NRG3: variants seen among roughly 807,000 people sequenced by gnomAD.
The protein encoded by NRG3 is pro-neuregulin-3, membrane-bound isoform.
NRG3 carries 31 observed loss-of-function variants against 66.9 expected under a neutral mutation model. The ratio of observed to expected loss-of-function variants is 0.46; its 90% CI spans 0.35 to 0.63. NRG3 has a LOEUF of 0.63. Ranked by LOEUF, NRG3 falls within the 20% of genes least tolerant of loss-of-function variation. The probability of loss-of-function intolerance (pLI) is 0.00; values close to 1 mark genes in which losing one functional copy is unlikely to be tolerated. For synonymous variants in NRG3, 393 were observed against 359.4 expected, an observed-to-expected ratio of 1.09 and a Z score of -1.06; for missense variants, 910 against 878.9, an observed-to-expected ratio of 1.04 and a Z score of -0.45.
chr10:82,170,654 GTATATATATATATATATATATA>G (rs370773918), intron 1 of NRG3, among the ~76,000 whole-genome samples: 4,310 of 74,236 alleles, frequency 0.058, 218 homozygotes, highest in African/African-American at 0.11. Context: ...AAAACTTGTG[GTATATATATATATATATATATA>G]TATATATATA....
intron 3 of NRG3, among the ~76,000 whole-genome samples, chr10:82,838,076 A>G (rs2062869078): frequency 6.6e-6 from 1 of 152,176 alleles, no homozygotes; most frequent in African/African-American, 2.4e-5. Context: ...ATTTGCTGCC[A>G]ATTTATTTAG....
At chr10:82,292,750 C>G (rs1180692442) in intron 1 of NRG3, among the ~76,000 whole-genome samples, 1 of 152,152 alleles carries the variant, frequency 6.6e-6, no homozygotes, top group Non-Finnish European at 1.5e-5. Flanking sequence ...TAAAAGGTCA[C>G]ATACTTCATG....
chr10:82,772,302 TTTCATTCATTCATTCATTCATTCA>T (rs35732700), intron 3 of NRG3, among the ~76,000 whole-genome samples: 2 of 150,512 alleles, frequency 1.3e-5, no homozygotes, highest in African/African-American at 2.5e-5. Flanking sequence ...TATAGTTACT[TTTCATTCATTCATTCATTCATTCA>T]TTCATTCATT....
At chr10:81,938,618 A>AGTGTGTGTGTGTGT (rs373196547) in intron 1 of NRG3, among the ~76,000 whole-genome samples, 6 of 144,192 alleles carry the variant, frequency 4.2e-5, no homozygotes, top group South Asian at 4.5e-4. Flanking sequence ...GAGTTCTGAC[A>AGTGTGTGTGTGTGT]GTGTGTGTGT....
chr10:82,710,701 T>TTTTTA (rs545721231), intron 2 of NRG3, among the ~76,000 whole-genome samples: 6 of 151,794 alleles, frequency 4.0e-5, no homozygotes, highest in Non-Finnish European at 5.9e-5. Flanking sequence ...TCATTTTTTA[T>TTTTTA]TTTTATTTTA....
At chr10:82,217,993 T>C (rs1461293102) in intron 1 of NRG3, among the ~76,000 whole-genome samples, 1 of 152,216 alleles carries the variant, frequency 6.6e-6, no homozygotes, top group Non-Finnish European at 1.5e-5. Context: ...CTTTTTAGTC[T>C]GGATATTTCC....
intron 1 of NRG3, among the ~76,000 whole-genome samples, chr10:82,142,061 G>A (rs780484894): frequency 1.3e-5 from 2 of 152,106 alleles, no homozygotes; most frequent in Non-Finnish European, 2.9e-5. Context: ...TGAATCAATT[G>A]TTACAGATTG....
At chr10:82,202,679 A>T (rs532928748) in intron 1 of NRG3, among the ~76,000 whole-genome samples, 1 of 152,284 alleles carries the variant, frequency 6.6e-6, no homozygotes, top group Admixed American at 6.5e-5. Context: ...AGTTGAATCA[A>T]AATCAACGGC....
At chr10:82,387,145 A>G (rs2086054667) in intron 2 of NRG3, among the ~76,000 whole-genome samples, 1 of 152,180 alleles carries the variant, frequency 6.6e-6, no homozygotes, top group Non-Finnish European at 1.5e-5. Context: ...ATTTTTGCCA[A>G]TTATGTTACA....
chr10:82,413,247 A>G (rs975136984), intron 2 of NRG3, among the ~76,000 whole-genome samples: 1 of 152,156 alleles, frequency 6.6e-6, no homozygotes, highest in African/African-American at 2.4e-5. Flanking sequence ...TTTTTGATCC[A>G]TGGGCTGTGG....
intron 1 of NRG3, among the ~76,000 whole-genome samples, chr10:81,899,168 A>C (rs1843793730): frequency 6.6e-6 from 1 of 152,184 alleles, no homozygotes; most frequent in African/African-American, 2.4e-5. Context: ...AATTTGGAAT[A>C]ATGGTTTCTG....
chr10:82,298,303 G>T (rs998231643), intron 1 of NRG3, among the ~76,000 whole-genome samples: 2 of 151,324 alleles, frequency 1.3e-5, no homozygotes, highest in Non-Finnish European at 2.9e-5. Context: ...AGGAAGGAAG[G>T]TGTGGAATCT....
In NRG3 at chr10:82,729,227, C is replaced by T. The variant is rs1184620722; in HGVS notation, c.954-9350C>T. On this transcript the variant is annotated intron_variant, in intron 2 of 8. Transcript: ENST00000372141. The stretch of plus-strand genomic sequence containing the variant: ...TTTTTCACAATAGATCTTTTGTATA[C>T]TAAGAAATCAGTAACAGTGCATTTC... Among the ~76,000 whole-genome samples the T allele has an allele frequency of 1.3e-5, 2 of 152,146 alleles. 1 individual carries two copies. The highest frequency in any genetic ancestry group is 3.9e-4 in the East Asian group (2 of 5,184).
At chr10:82,137,159 A>G (rs2069428828) in intron 1 of NRG3, among the ~76,000 whole-genome samples, 2 of 152,126 alleles carry the variant, frequency 1.3e-5, no homozygotes, top group South Asian at 4.1e-4. Flanking sequence ...GCTCCTCTGT[A>G]GATTTTGAAT....
intron 1 of NRG3, among the ~76,000 whole-genome samples, chr10:82,097,900 A>G (rs1222113147): frequency 6.6e-6 from 1 of 152,076 alleles, no homozygotes; most frequent in Admixed American, 6.6e-5. Flanking sequence ...ACCAGTATAT[A>G]TTCTTTGATA....
intron 3 of NRG3, among the ~76,000 whole-genome samples, chr10:82,822,327 T>A (rs1425963958): frequency 6.6e-6 from 1 of 151,872 alleles, no homozygotes; most frequent in Non-Finnish European, 1.5e-5. Context: ...TTGATGCACA[T>A]CTGAGACGGG....
intron 1 of NRG3, among the ~76,000 whole-genome samples, chr10:82,028,150 C>T (rs2062402366): frequency 6.6e-6 from 1 of 152,030 alleles, no homozygotes; most frequent in Non-Finnish European, 1.5e-5. Flanking sequence ...CTTTTTTCTA[C>T]TGGCCTTAAA....
At chr10:82,435,774 CTTTTCTTTT>C (rs2090098939) in intron 2 of NRG3, among the ~76,000 whole-genome samples, 1 of 121,432 alleles carries the variant, frequency 8.2e-6, no homozygotes, top group African/African-American at 3.1e-5. Context: ...AGTTTCTTTT[CTTTTCTTTT>C]TTTTTTTTTT....
intron 2 of NRG3, among the ~76,000 whole-genome samples, chr10:82,410,491 G>A (rs977270582): frequency 1.3e-5 from 2 of 149,846 alleles, no homozygotes; most frequent in Admixed American, 1.3e-4. Context: ...AAAATGTCCA[G>A]AATACACAGA....
Sources: allele counts gnomAD v4.1 joint callset (sites outside exome capture counted in the v4.1 genomes callset), GRCh38; gene constraint gnomAD v4.1.1; transcripts MANE v1.5; gene names NCBI Gene and HGNC (gene_info 2026-07-23, HGNC 2026-07-21).